Variants in SHTN1 observed in about 807,000 individuals in gnomAD.
SHTN1 encodes the protein shootin 1.
Under a neutral mutation model 83.1 loss-of-function variants are expected in SHTN1, and 42 were observed. That is an observed-to-expected ratio of 0.51 (90% confidence interval 0.39 to 0.65). The LOEUF is 0.65. SHTN1 is among the 30% of genes least tolerant of loss of function. The probability of loss-of-function intolerance (pLI) is 0.00; values close to 1 mark genes in which losing one functional copy is unlikely to be tolerated. For missense variants in SHTN1, 622 were observed against 737.8 expected (o/e 0.84, Z 1.82); for synonymous variants, 224 against 247.7 (o/e 0.90, Z 0.90).
At position 116,973,859 on chromosome 10, in the gene SHTN1, T is replaced by C. The variant is rs189811032; in HGVS notation, c.112-5147A>G. On this transcript the variant is annotated intron_variant, in intron 2 of 16. Transcript: ENST00000355371. The stretch of plus-strand genomic sequence containing the variant: ...TGTGTGTACTTTACCTGTTTACCTG[T>C]TTAAGAATCCTTGGCATACAATGAA... 290 of 1,285,404 alleles carry C rather than the reference T, an allele frequency of 2.3e-4. 1 individual carries two copies. The African/African-American group carries it at 3.9e-3, about 17-fold the overall frequency. The allele number at this position is 1,285,404 out of a possible 1,614,324, so 79.6% of individuals were successfully genotyped here.
intron 1 of SHTN1, among the ~76,000 whole-genome samples, chr10:117,120,717 GACTAT>G (rs1853911114): frequency 6.6e-6 from 1 of 152,114 alleles, no homozygotes; most frequent in African/African-American, 2.4e-5. Flanking sequence ...TGAGCAGGGT[GACTAT>G]AATTTACAGT....
intron 1 of SHTN1, among the ~76,000 whole-genome samples, chr10:117,106,198 T>G (rs1853666565): frequency 6.6e-6 from 1 of 152,092 alleles, no homozygotes; most frequent in African/African-American, 2.4e-5. Flanking sequence ...GGCTCACGCC[T>G]GTAATCCCAG....
intron 14 of SHTN1, among the ~76,000 whole-genome samples, chr10:116,907,205 G>C (rs1048078516): frequency 6.6e-6 from 1 of 152,178 alleles, no homozygotes; most frequent in Non-Finnish European, 1.5e-5. Context: ...GGGTGACCCT[G>C]GCTGCACACC....
intron 13 of SHTN1, among the ~76,000 whole-genome samples, chr10:116,914,202 G>A (rs1848299530): frequency 6.6e-6 from 1 of 152,178 alleles, no homozygotes; most frequent in Admixed American, 6.5e-5. Flanking sequence ...GGCCGGGCAT[G>A]GTGGCTCATG....
At chr10:116,989,219 C>T (rs1851330458) in intron 1 of SHTN1, among the ~76,000 whole-genome samples, 1 of 152,136 alleles carries the variant, frequency 6.6e-6, no homozygotes, top group Non-Finnish European at 1.5e-5. Context: ...CAATATCTTA[C>T]ATTAGTATGG....
chr10:116,906,477 AAT>A lies in SHTN1; in HGVS notation c.1480+148_1480+149del, dbSNP rs1451481003. 4.4e-6 allele frequency: 3 copies of A among 685,746 alleles called. No homozygotes were observed. The African/African-American group carries it at 5.5e-5, about 13-fold the overall frequency. 42.5% of individuals were successfully genotyped at this position (685,746 alleles called of 1,614,324 possible). The stretch of plus-strand genomic sequence containing the variant: ...TAAGAGTTCTTATGAGATATCCATA[AAT>A]ATCTTTACCCATCCCATACTTCTCA... On this transcript the variant is annotated intron_variant, in intron 15 of 16. Transcript: ENST00000355371.
intron 1 of SHTN1, among the ~76,000 whole-genome samples, chr10:117,094,417 C>A (rs1007074263): frequency 2.6e-5 from 4 of 152,174 alleles, no homozygotes; most frequent in Non-Finnish European, 5.9e-5. Flanking sequence ...CCAGTTTTCC[C>A]CTCCTCAGGA....
intron 1 of SHTN1, among the ~76,000 whole-genome samples, chr10:116,982,262 C>T (rs1487028854): frequency 2.0e-5 from 3 of 152,228 alleles, no homozygotes; most frequent in Admixed American, 1.3e-4. Flanking sequence ...AATCTTTGAA[C>T]TATCATATTT....
intron 2 of SHTN1, among the ~76,000 whole-genome samples, chr10:117,048,102 A>C (rs1852693172): frequency 6.6e-6 from 1 of 152,150 alleles, no homozygotes; most frequent in African/African-American, 2.4e-5. Flanking sequence ...GGGATCCATA[A>C]GTCATCACAT....
intron 2 of SHTN1, 71 bp from the exon 3 acceptor site, chr10:116,968,783 C>T: frequency 8.3e-7 from 1 of 1,205,886 alleles, no homozygotes; most frequent in Admixed American, 2.0e-5. Flanking sequence ...CAAGCAAGAG[C>T]AAACTTATAA....
chr10:116,903,864 T>G (rs1410591448), intron 15 of SHTN1, among the ~76,000 whole-genome samples: 1 of 152,186 alleles, frequency 6.6e-6, no homozygotes, highest in Non-Finnish European at 1.5e-5. Flanking sequence ...TTTTAAAAAA[T>G]GTACACCGTT....
At chr10:117,078,667 A>C (rs1853201397) in intron 1 of SHTN1, among the ~76,000 whole-genome samples, 1 of 152,226 alleles carries the variant, frequency 6.6e-6, no homozygotes, top group Admixed American at 6.5e-5. Flanking sequence ...CTAGACCACT[A>C]GTAGGAGTGC....
At position 117,053,954 on chromosome 10, in the gene SHTN1, T is replaced by C. The variant is rs145993865; in HGVS notation, c.-188-5444A>G. ...TGATACATGCTACAATATGGATGAA[T>C]CTTGAAAACATTATGCCAAGTGAAA... On this transcript the variant is annotated intron_variant, in intron 1 of 17. Transcript: ENST00000392901. Among the ~76,000 whole-genome samples the C allele has an allele frequency of 4.4e-3, 672 of 152,340 alleles. 4 individuals are homozygous for C. The highest frequency in any genetic ancestry group is 0.03 in the South Asian group (144 of 4,828).
At chr10:116,999,663 C>A (rs1247323245) in intron 1 of SHTN1, among the ~76,000 whole-genome samples, 1 of 152,170 alleles carries the variant, frequency 6.6e-6, no homozygotes, top group East Asian at 1.9e-4. Flanking sequence ...GCCTGTAATC[C>A]CAGCACTTTG....
At chr10:116,904,924 G>A (rs1249882128) in intron 15 of SHTN1, among the ~76,000 whole-genome samples, 7 of 152,082 alleles carry the variant, frequency 4.6e-5, no homozygotes, top group East Asian at 3.9e-4. Flanking sequence ...AGTGTTGGCC[G>A]GGCGCGGTGG....
chr10:117,122,514 G>A (rs1853945534), intron 1 of SHTN1, among the ~76,000 whole-genome samples: 1 of 152,166 alleles, frequency 6.6e-6, no homozygotes, highest in Non-Finnish European at 1.5e-5. Flanking sequence ...TCCATAGTTA[G>A]TTGAAACAGG....
chr10:116,968,792 A>C, intron 2 of SHTN1, 80 bp from the exon 3 acceptor site: 1 of 1,035,280 alleles, frequency 9.7e-7, no homozygotes, highest in Non-Finnish European at 1.5e-6. Flanking sequence ...GCAAACTTAT[A>C]AACAACAGCA....
At position 116,883,499 on chromosome 10, in the gene SHTN1, G is replaced by T. The variant is rs1438048144; in HGVS notation, c.*2845C>A. 6.6e-6 allele frequency: 1 copy of T among 152,130 alleles called. No homozygotes were observed. The allele number at this position is 152,130 out of a possible 1,614,324, so 9.4% of individuals were successfully genotyped here. ...GGTTATCCATTCTCGACAACTTACTGGTATATAAGCTAATGTTGTTCCACA... is the reference window on the plus strand; with the variant it reads ...GGTTATCCATTCTCGACAACTTACTTGTATATAAGCTAATGTTGTTCCACA... On this transcript the variant is annotated 3_prime_UTR_variant, in exon 17 of 17. Coordinates refer to ENST00000355371, the MANE Select transcript of SHTN1 (RefSeq NM_001127211.3).
intron 4 of SHTN1, among the ~76,000 whole-genome samples, chr10:116,956,265 A>T (rs1849975615): frequency 6.6e-6 from 1 of 152,172 alleles, no homozygotes; most frequent in Non-Finnish European, 1.5e-5. Context: ...TTCCCAGGTG[A>T]TTCTAATGTA....
Sources: allele counts gnomAD v4.1 joint callset (sites outside exome capture counted in the v4.1 genomes callset), GRCh38; gene constraint gnomAD v4.1.1; transcripts MANE v1.5; gene names NCBI Gene and HGNC (gene_info 2026-07-23, HGNC 2026-07-21).